Variants in DLGAP2 observed in about 807,000 individuals in gnomAD.
DLGAP2 encodes the protein DLG associated protein 2.
In DLGAP2, 26 loss-of-function variants were observed where a neutral mutation model predicts 100.3. That is an observed-to-expected ratio of 0.26 (90% CI 0.19 to 0.36). DLGAP2 has a LOEUF of 0.36. Among genes scored for constraint, DLGAP2 ranks in the 10% least tolerant of loss-of-function variants. DLGAP2 has a pLI of 1.00. For missense variants in DLGAP2, 1,858 were observed against 1,453.2 expected (o/e 1.28, Z -4.53); for synonymous variants, 886 against 630.1 (o/e 1.41, Z -6.08).
At chr8:1,040,941 TTAC>T (rs1484627396) in intron 2 of DLGAP2, among the ~76,000 whole-genome samples, 1 of 152,148 alleles carries the variant, frequency 6.6e-6, no homozygotes, top group African/African-American at 2.4e-5. Flanking sequence ...GATTGGTGAC[TTAC>T]TTTTAGTCTG....
chr8:1,187,070 T>G (rs541257197), intron 2 of DLGAP2, among the ~76,000 whole-genome samples: 5 of 152,058 alleles, frequency 3.3e-5, no homozygotes, highest in Admixed American at 6.5e-5. Flanking sequence ...AGGGCTGTTC[T>G]GAGCAGCTGC....
At chr8:1,696,077 G>T (rs1799391615) in intron 13 of DLGAP2, among the ~76,000 whole-genome samples, 1 of 152,344 alleles carries the variant, frequency 6.6e-6, no homozygotes, top group South Asian at 2.1e-4. Context: ...TCTTCACTGA[G>T]CATGCTGAGT....
At chr8:1,283,743 T>TA (rs1192956300) in intron 3 of DLGAP2, among the ~76,000 whole-genome samples, 1 of 152,226 alleles carries the variant, frequency 6.6e-6, no homozygotes, top group Non-Finnish European at 1.5e-5. Flanking sequence ...ATACAATCCA[T>TA]AAAAATAAGT....
chr8:1,500,057 G>A (rs116963533), intron 3 of DLGAP2, among the ~76,000 whole-genome samples: 2 of 152,330 alleles, frequency 1.3e-5, no homozygotes, highest in Non-Finnish European at 1.5e-5. Context: ...ATATGTGTGT[G>A]AATACATGCC....
At chr8:1,487,225 AT>A (rs923792812) in intron 3 of DLGAP2, among the ~76,000 whole-genome samples, 2 of 152,244 alleles carry the variant, frequency 1.3e-5, no homozygotes, top group Non-Finnish European at 2.9e-5. Flanking sequence ...TTCATCTGTC[AT>A]TTTTTAACAA....
At chr8:907,988 G>C (rs1302286805) in intron 2 of DLGAP2, 22 bp downstream of exon 2, 1 of 398,816 alleles carries the variant, frequency 2.5e-6, no homozygotes, top group Non-Finnish European at 4.4e-6. Context: ...TCATTCTTCT[G>C]ATTTGGGATT....
intron 2 of DLGAP2, among the ~76,000 whole-genome samples, chr8:1,217,066 A>G (rs998382781): frequency 6.6e-6 from 1 of 152,096 alleles, no homozygotes; most frequent in African/African-American, 2.4e-5. Context: ...CCAGGTAGTG[A>G]GCATAGTACC....
chr8:779,349 C>T (rs1388765285), intron 1 of DLGAP2, among the ~76,000 whole-genome samples: 2 of 152,204 alleles, frequency 1.3e-5, no homozygotes, highest in African/African-American at 2.4e-5. Flanking sequence ...TCCTATTCGG[C>T]CATCTTGGCT....
intron 1 of DLGAP2, among the ~76,000 whole-genome samples, chr8:817,585 G>C (rs995069836): frequency 1.3e-5 from 2 of 152,112 alleles, no homozygotes; most frequent in Non-Finnish European, 2.9e-5. Flanking sequence ...CTTCTCATTT[G>C]GGTAGACTAC....
chr8:1,601,735 C>A (rs562312386), intron 6 of DLGAP2, among the ~76,000 whole-genome samples: 11 of 152,298 alleles, frequency 7.2e-5, no homozygotes, highest in Non-Finnish European at 1.6e-4. Context: ...CCACTCTGGT[C>A]TTTAATTTCC....
chr8:1,145,317 C>T lies in DLGAP2; in HGVS notation c.74-113534C>T, dbSNP rs555714665. 5.3e-5 allele frequency among the ~76,000 whole-genome samples: 8 copies of T among 152,312 alleles called. No homozygotes were observed. The East Asian group carries it at 7.7e-4, about 15-fold the overall frequency. ...GAAGCCGCTGTTTTTAATCCCCTCC[C>T]ATGAGTTATGAATTGTGTCTGGTGT... On this transcript the variant is annotated intron_variant, in intron 2 of 14. Coordinates refer to ENST00000637795, the MANE Select transcript of DLGAP2 (RefSeq NM_001346810.2).
chr8:1,355,371 T>C (rs1426837007), intron 3 of DLGAP2, among the ~76,000 whole-genome samples: 2 of 152,168 alleles, frequency 1.3e-5, no homozygotes, highest in Non-Finnish European at 2.9e-5. Context: ...TTTTTTGTTT[T>C]TGTTTTTGTT....
intron 2 of DLGAP2, among the ~76,000 whole-genome samples, chr8:1,062,064 T>C (rs776462592): frequency 2.0e-5 from 3 of 149,148 alleles, no homozygotes; most frequent in Non-Finnish European, 4.4e-5. Context: ...AAACAGGAGA[T>C]AGAGGCACCT....
chr8:1,037,597 G>A lies in DLGAP2; in HGVS notation c.73+129631G>A, dbSNP rs531789529. The stretch of plus-strand genomic sequence containing the variant: ...TTATCCTCTAAGGGGTTAATTTTAC[G>A]CTTTTGTTCTCTACAAAATGTAGTT... On this transcript the variant is annotated intron_variant, in intron 2 of 14. Transcript: ENST00000637795. 3.9e-5 allele frequency among the ~76,000 whole-genome samples: 6 copies of A among 152,164 alleles called. No individual in the cohort carries two copies. In the East Asian group the frequency reaches 5.8e-4, roughly 15 times the overall value.
chr8:1,190,850 C>A lies in DLGAP2; in HGVS notation c.74-68001C>A, dbSNP rs533300288. ...CCAAGACCAGAGCCCAGGCTCCAGG[C>A]GCACGCAGCAGCAAGCGTGGGGTCT... On this transcript the variant is annotated intron_variant, in intron 2 of 14. Coordinates refer to ENST00000637795, the MANE Select transcript of DLGAP2 (RefSeq NM_001346810.2). Among the ~76,000 whole-genome samples, 161 of 152,140 alleles carry A rather than the reference C, an allele frequency of 1.1e-3. 1 individual carries two copies. Among genetic ancestry groups the A allele is most frequent in the African/African-American group, 3.8e-3 (158 of 41,538 alleles).
At chr8:1,176,365 G>A (rs1797255934) in intron 2 of DLGAP2, among the ~76,000 whole-genome samples, 2 of 152,110 alleles carry the variant, frequency 1.3e-5, no homozygotes, top group Non-Finnish European at 2.9e-5. Flanking sequence ...TGAGATTTGG[G>A]TGGGGACACA....
At chr8:877,698 C>G (rs566530312) in intron 1 of DLGAP2, among the ~76,000 whole-genome samples, 7 of 152,334 alleles carry the variant, frequency 4.6e-5, no homozygotes, top group African/African-American at 1.7e-4. Context: ...TCACCTGTGT[C>G]TTGAATCTCT....
At chr8:1,365,254 C>T (rs1348950908) in intron 3 of DLGAP2, among the ~76,000 whole-genome samples, 1 of 152,162 alleles carries the variant, frequency 6.6e-6, no homozygotes, top group African/African-American at 2.4e-5. Flanking sequence ...CCTCACTCTC[C>T]CAGAGCCTCA....
At position 846,022 on chromosome 8, in the gene DLGAP2, TA is replaced by T. The variant is rs1254278906; in HGVS notation, c.19-61889del. ...GTTATTTGTGTTTGAAAATAATACT[TA>T]TACACACTTACGGAGTACAATGTGA... On this transcript the variant is annotated intron_variant, in intron 1 of 14. Transcript: ENST00000637795. 6.6e-5 allele frequency among the ~76,000 whole-genome samples: 10 copies of T among 152,356 alleles called. No individual in the cohort carries two copies. The East Asian group carries it at 1.9e-3, about 29-fold the overall frequency.
Sources: gnomAD v4.1 joint callset for allele counts (sites outside exome capture counted in the v4.1 genomes callset) on GRCh38, gnomAD v4.1.1 for gene constraint, MANE v1.5 for transcripts, NCBI Gene and HGNC (gene_info 2026-07-23, HGNC 2026-07-21) for gene names.